The following CARMIL1 variants were observed in gnomAD, a reference collection of about 807,000 sequenced individuals.
CARMIL1 encodes the protein capping protein regulator and myosin 1 linker 1, also known as F-actin-uncapping protein LRRC16A.
A neutral mutation model predicts 177.1 loss-of-function variants in CARMIL1; 90 were observed. That is an observed-to-expected ratio of 0.51 (90% CI 0.43 to 0.61). CARMIL1 has a LOEUF of 0.61. Among genes scored for constraint, CARMIL1 ranks in the 20% least tolerant of loss-of-function variants. CARMIL1 has a pLI of 0.00. For missense variants in CARMIL1, 1,380 were observed against 1,667.0 expected, an observed-to-expected ratio of 0.83 and a Z score of 3.00; for synonymous variants, 577 against 606.2, an observed-to-expected ratio of 0.95 and a Z score of 0.71.
chr6:25,553,240 T>A (rs1449850584), intron 27 of CARMIL1, among the ~76,000 whole-genome samples: 1 of 152,208 alleles, frequency 6.6e-6, no homozygotes. Flanking sequence ...TGTATTGTGC[T>A]TAATGTACAT....
At chr6:25,466,015 G>A in intron 9 of CARMIL1, 67 bp downstream of exon 9, 1 of 1,181,122 alleles carries the variant, frequency 8.5e-7, no homozygotes, top group East Asian at 2.3e-5. Flanking sequence ...AATAATTGTG[G>A]GAAAAAAACA....
At chr6:25,311,216 G>A (rs917996273) in intron 2 of CARMIL1, among the ~76,000 whole-genome samples, 5 of 151,912 alleles carry the variant, frequency 3.3e-5, no homozygotes, top group Non-Finnish European at 7.4e-5. Context: ...AACCATGACG[G>A]GTTGAACGCA....
chr6:25,591,640 T>G (rs1014957267), intron 31 of CARMIL1, among the ~76,000 whole-genome samples: 1 of 152,228 alleles, frequency 6.6e-6, no homozygotes, highest in Non-Finnish European at 1.5e-5. Flanking sequence ...CTTGAACCCT[T>G]TTGCAAACTA....
chr6:25,347,839 A>G (rs1321361489), intron 2 of CARMIL1, among the ~76,000 whole-genome samples: 1 of 152,230 alleles, frequency 6.6e-6, no homozygotes, highest in South Asian at 2.1e-4. Flanking sequence ...GTTCTCATCC[A>G]GGATATCATG....
chr6:25,530,272 G>A (rs576931844), intron 24 of CARMIL1, among the ~76,000 whole-genome samples: 16 of 151,990 alleles, frequency 1.1e-4, no homozygotes, highest in East Asian at 1.9e-4. Context: ...CAATCTCAAC[G>A]CTTGGGAGGT....
chr6:25,422,594 A>G (rs1046980578), intron 3 of CARMIL1, among the ~76,000 whole-genome samples: 2 of 152,236 alleles, frequency 1.3e-5, no homozygotes, highest in African/African-American at 4.8e-5. Flanking sequence ...TTATAAATAA[A>G]TTAGGTCAAT....
chr6:25,614,211 G>A (rs561479222), intron 36 of CARMIL1, among the ~76,000 whole-genome samples: 1 of 152,308 alleles, frequency 6.6e-6, no homozygotes, highest in African/African-American at 2.4e-5. Flanking sequence ...AGCCACATGT[G>A]CTCACTTGCC....
chr6:25,332,968 TC>T (rs1300852976), intron 2 of CARMIL1, among the ~76,000 whole-genome samples: 1 of 151,976 alleles, frequency 6.6e-6, no homozygotes, highest in African/African-American at 2.4e-5. Context: ...TTCATTGGGG[TC>T]TAGGGAAATA....
chr6:25,607,538 C>A (rs1442736792), intron 35 of CARMIL1, among the ~76,000 whole-genome samples: 1 of 152,140 alleles, frequency 6.6e-6, no homozygotes. Context: ...TGTGTAGCCG[C>A]CAGATGTTCT....
At chr6:25,480,653 ATT>A (rs933308900) in intron 11 of CARMIL1, among the ~76,000 whole-genome samples, 11 of 145,206 alleles carry the variant, frequency 7.6e-5, no homozygotes, top group South Asian at 2.1e-4. Flanking sequence ...AATTTAAATT[ATT>A]TATATTTAAT....
At chr6:25,317,316 T>A (rs1784352522) in intron 2 of CARMIL1, among the ~76,000 whole-genome samples, 1 of 152,032 alleles carries the variant, frequency 6.6e-6, no homozygotes, top group African/African-American at 2.4e-5. Flanking sequence ...TATTTTTATT[T>A]TTTAAAGATG....
rs751217195 is a variant in CARMIL1, at chr6:25,404,168, CTCTCCTGCCTGCACT to C, written c.139-15944_139-15930del. On this transcript the variant is annotated intron_variant, in intron 2 of 36. Coordinates refer to ENST00000329474, the MANE Select transcript of CARMIL1 (RefSeq NM_017640.6). ...CTGGCTCAACAAGGGGCCTCCATTT[CTCTCCTGCCTGCACT>C]TGAGGAGCCACATAGAAGGGAGTTT... 6.4e-4 allele frequency among the ~76,000 whole-genome samples: 98 copies of C among 152,218 alleles called. 1 individual carries two copies. Among genetic ancestry groups the C allele is most frequent in the Admixed American group, 2.0e-4 (3 of 15,278 alleles).
chr6:25,296,935 T>TCTATCTATCTATCTTTAAC (rs11414122), intron 2 of CARMIL1, among the ~76,000 whole-genome samples: 73 of 136,436 alleles, frequency 5.4e-4, no homozygotes, highest in East Asian at 1.3e-3. Flanking sequence ...CTATCTATCT[T>TCTATCTATCTATCTTTAAC]TAACTAACTA....
chr6:25,457,413 G>C (rs571605612), intron 8 of CARMIL1, among the ~76,000 whole-genome samples: 11 of 152,248 alleles, frequency 7.2e-5, no homozygotes, highest in Admixed American at 2.0e-4. Context: ...TCTGGGAACT[G>C]TTTTAGGTAT....
intron 34 of CARMIL1, among the ~76,000 whole-genome samples, chr6:25,605,210 C>G (rs948602692): frequency 1.3e-5 from 2 of 152,144 alleles, no homozygotes; most frequent in African/African-American, 4.8e-5. Context: ...GGGCAGCATA[C>G]AGGATCATGG....
chr6:25,447,392 A>G (rs1371697992), intron 5 of CARMIL1, among the ~76,000 whole-genome samples: 1 of 152,234 alleles, frequency 6.6e-6, no homozygotes, highest in Non-Finnish European at 1.5e-5. Context: ...TTTTATCTGG[A>G]ATACATCCAT....
chr6:25,387,684 A>G (rs945141792), intron 2 of CARMIL1, among the ~76,000 whole-genome samples: 7 of 152,324 alleles, frequency 4.6e-5, no homozygotes, highest in African/African-American at 1.4e-4. Context: ...ATTAAACACA[A>G]TGAGTGTGAG....
intron 32 of CARMIL1, among the ~76,000 whole-genome samples, chr6:25,596,168 A>AAATTTTTGGTAAATTTTGTG: frequency 9.6e-6 from 1 of 104,492 alleles, no homozygotes; most frequent in Non-Finnish European, 2.1e-5. Context: ...TAAATTTTGT[A>AAATTTTTGGTAAATTTTGTG]AGGTATAAAA....
intron 36 of CARMIL1, chr6:25,612,981 C>A: frequency 1.3e-6 from 1 of 787,520 alleles, no homozygotes; most frequent in Non-Finnish European, 1.5e-6. Context: ...TATCGTGGGA[C>A]TGGGTCAGGG....
Sources: gnomAD v4.1 joint callset for allele counts (sites outside exome capture counted in the v4.1 genomes callset) on GRCh38, gnomAD v4.1.1 for gene constraint, MANE v1.5 for transcripts, NCBI Gene and HGNC (gene_info 2026-07-23, HGNC 2026-07-21) for gene names.